Variants in ULK4 observed in about 807,000 individuals in gnomAD.
ULK4 encodes the protein inactive serine/threonine-protein kinase ULK4.
A neutral mutation model predicts 160.6 loss-of-function variants in ULK4; 133 were observed. The observed-to-expected ratio is 0.83, with a 90% CI of 0.72 to 0.96. The LOEUF (loss-of-function observed/expected upper bound fraction) is 0.96, where lower values mean the gene tolerates loss of function less well. Among genes scored for constraint, ULK4 ranks in the 40% least tolerant of loss-of-function variants. The probability of loss-of-function intolerance (pLI) is 0.00; values close to 1 mark genes in which losing one functional copy is unlikely to be tolerated. For synonymous variants in ULK4, 534 were observed against 539.8 expected, an observed-to-expected ratio of 0.99 and a Z score of 0.15; for missense variants, 1,580 against 1,499.5, an observed-to-expected ratio of 1.05 and a Z score of -0.89.
chr3:41,903,522 C>G (rs1433590496), intron 12 of ULK4, among the ~76,000 whole-genome samples: 1 of 149,812 alleles, frequency 6.7e-6, no homozygotes, highest in Non-Finnish European at 1.5e-5. Context: ...GAGGCAGAGG[C>G]GCAATGAGCC....
chr3:41,935,775 G>A (rs200465285), intron 4 of ULK4, 26 bp downstream of exon 4: 1 of 1,589,894 alleles, frequency 6.3e-7, no homozygotes, highest in East Asian at 2.3e-5. Context: ...GAAGCAGTTA[G>A]AAAATCAAAA....
chr3:41,679,582 T>C (rs139100420), intron 29 of ULK4, among the ~76,000 whole-genome samples: 168 of 152,304 alleles, frequency 1.1e-3, no homozygotes, highest in African/African-American at 3.7e-3. Context: ...TAATTCCTCA[T>C]CTCTGGAAAA....
chr3:41,456,547 G>A (rs1349798044), intron 33 of ULK4, among the ~76,000 whole-genome samples: 1 of 151,956 alleles, frequency 6.6e-6, no homozygotes, highest in Non-Finnish European at 1.5e-5. Flanking sequence ...GAAAATAAAT[G>A]AGTGAGTGGT....
In ULK4 at chr3:41,354,669, A is replaced by C. The variant is rs148565406; in HGVS notation, c.3678+43410T>G. ...AAGCTTGACAGAAGCCAGGTTACAA[A>C]AGTGTCCTGGAAGATCAGGAAATGA... On this transcript the variant is annotated intron_variant, in intron 35 of 36. Coordinates refer to ENST00000301831, the MANE Select transcript of ULK4 (RefSeq NM_017886.4). Among the ~76,000 whole-genome samples, 47 of 152,258 alleles carry C rather than the reference A, an allele frequency of 3.1e-4. No homozygotes were observed. In the East Asian group the frequency reaches 9.1e-3, roughly 29 times the overall value.
chr3:41,929,916 A>T (rs1699529815), intron 5 of ULK4, among the ~76,000 whole-genome samples: 4 of 152,146 alleles, frequency 2.6e-5, no homozygotes, highest in Admixed American at 2.6e-4. Flanking sequence ...TATTGCCCAA[A>T]GTAATTTATA....
At chr3:41,315,643 A>G (rs1490299047) in intron 35 of ULK4, among the ~76,000 whole-genome samples, 3 of 152,168 alleles carry the variant, frequency 2.0e-5, no homozygotes, top group Non-Finnish European at 2.9e-5. Context: ...CCGGCTCGGC[A>G]CTACAGAAAC....
At position 41,349,839 on chromosome 3, in the gene ULK4, A is replaced by T. The variant is rs1388189247; in HGVS notation, c.3678+48240T>A. On this transcript the variant is annotated intron_variant, in intron 35 of 36. Transcript: ENST00000301831. ...GTATTTTATTCCTACTTTCAATGAA[A>T]TAGCTTAATTTTTCTATAAATAATT... is the stretch of plus-strand genomic sequence containing the variant. 4.6e-5 allele frequency among the ~76,000 whole-genome samples: 7 copies of T among 152,284 alleles called. No homozygotes were observed. The East Asian group carries it at 1.4e-3, about 29-fold the overall frequency.
At chr3:41,511,056 G>C (rs1227645874) in intron 32 of ULK4, among the ~76,000 whole-genome samples, 1 of 151,566 alleles carries the variant, frequency 6.6e-6, no homozygotes, top group South Asian at 2.1e-4. Flanking sequence ...CCAGCTACTC[G>C]GGAGGCTGAG....
chr3:41,550,707 C>T (rs550828120), intron 32 of ULK4, among the ~76,000 whole-genome samples: 113 of 151,962 alleles, frequency 7.4e-4, no homozygotes, highest in African/African-American at 2.5e-3. Flanking sequence ...TGACATAACA[C>T]TCTTATTAGA....
chr3:41,487,103 T>G (rs1205585113), intron 32 of ULK4, among the ~76,000 whole-genome samples: 1 of 152,178 alleles, frequency 6.6e-6, no homozygotes, highest in Non-Finnish European at 1.5e-5. Context: ...TTAAAATCTC[T>G]TTCATAACTA....
chr3:41,838,602 G>A (rs1370402197), intron 17 of ULK4, among the ~76,000 whole-genome samples: 11 of 151,966 alleles, frequency 7.2e-5, no homozygotes, highest in Admixed American at 7.2e-4. Flanking sequence ...AAAACACTGA[G>A]AACAAACAGA....
chr3:41,625,471 G>GCGCCAT (rs1292962097), intron 30 of ULK4, among the ~76,000 whole-genome samples: 7 of 152,094 alleles, frequency 4.6e-5, no homozygotes, highest in Admixed American at 6.5e-5. Context: ...CTGAATTGTG[G>GCGCCAT]CGCCATCTAC....
chr3:41,425,017 G>A (rs1198123759), intron 34 of ULK4, among the ~76,000 whole-genome samples: 1 of 152,026 alleles, frequency 6.6e-6, no homozygotes, highest in Non-Finnish European at 1.5e-5. Context: ...GGAGCATGTT[G>A]TAACCCAATG....
At chr3:41,435,426 A>G (rs898684826) in intron 34 of ULK4, among the ~76,000 whole-genome samples, 1 of 152,186 alleles carries the variant, frequency 6.6e-6, no homozygotes, top group Non-Finnish European at 1.5e-5. Flanking sequence ...GATCCAAAAT[A>G]ACTATATATC....
At chr3:41,820,920 ATCAGGAGCTGC>A (rs2041125755) in intron 18 of ULK4, among the ~76,000 whole-genome samples, 1 of 152,180 alleles carries the variant, frequency 6.6e-6, no homozygotes, top group African/African-American at 2.4e-5. Context: ...GGACATTATG[ATCAGGAGCTGC>A]TCCAACTCAA....
rs895443478 is a variant in ULK4 at position 41,827,102 on chromosome 3, T to G, written c.1765-7596A>C. Among the ~76,000 whole-genome samples the G allele has an allele frequency of 7.4e-5, 11 of 148,808 alleles. 1 individual carries two copies. Among genetic ancestry groups the G allele is most frequent in the Non-Finnish European group, 1.5e-4 (10 of 67,264 alleles). ...CAAAGGCAGAAATAAAGATGTTCTTTGAAACCAACGAGAACAAAGACACAA... is the reference window on the plus strand; with the variant it reads ...CAAAGGCAGAAATAAAGATGTTCTTGGAAACCAACGAGAACAAAGACACAA... On this transcript the variant is annotated intron_variant, in intron 18 of 36. Transcript: ENST00000301831.
At chr3:41,831,396 T>C in intron 18 of ULK4, among the ~76,000 whole-genome samples, 1 of 148,194 alleles carries the variant, frequency 6.7e-6, no homozygotes, top group East Asian at 1.9e-4. Context: ...AGCTCCAGTG[T>C]ACATATCTCC....
At chr3:41,460,251 C>T (rs367695267) in intron 33 of ULK4, among the ~76,000 whole-genome samples, 4 of 152,214 alleles carry the variant, frequency 2.6e-5, no homozygotes, top group South Asian at 2.1e-4. Flanking sequence ...AACAAACTTC[C>T]CCATACCACC....
At chr3:41,249,264 G>C (rs1451432578) in intron 36 of ULK4, among the ~76,000 whole-genome samples, 1 of 152,196 alleles carries the variant, frequency 6.6e-6, no homozygotes, top group East Asian at 1.9e-4. Flanking sequence ...CTCTCCCCCT[G>C]TTGATTCCTG....
Sources: gnomAD v4.1 joint callset for allele counts (sites outside exome capture counted in the v4.1 genomes callset) on GRCh38, gnomAD v4.1.1 for gene constraint, MANE v1.5 for transcripts, NCBI Gene and HGNC (gene_info 2026-07-23, HGNC 2026-07-21) for gene names.